Variants in CTNND1 observed in about 807,000 individuals in gnomAD.
CTNND1 encodes catenin delta 1, also known as catenin delta-1.
In CTNND1, 16 loss-of-function variants were observed where a neutral mutation model predicts 112.1. The observed-to-expected ratio is 0.14, with a 90% CI of 0.10 to 0.22. CTNND1 has a LOEUF of 0.22. Ranked by LOEUF, CTNND1 falls within the 10% of genes least tolerant of loss-of-function variation. CTNND1 has a pLI of 1.00. For missense variants in CTNND1, 1,008 were observed against 1,257.0 expected, an observed-to-expected ratio of 0.80 and a Z score of 3.00; for synonymous variants, 420 against 446.5, an observed-to-expected ratio of 0.94 and a Z score of 0.75.
intron 1 of CTNND1, among the ~76,000 whole-genome samples, chr11:57,783,843 T>TA (rs1345533409): frequency 6.6e-6 from 1 of 152,198 alleles, no homozygotes; most frequent in Non-Finnish European, 1.5e-5. Context: ...TGTTATGTAA[T>TA]ACAGTTCTGT....
chr11:57,762,895 C>T (rs1950188547), intron 1 of CTNND1, among the ~76,000 whole-genome samples: 1 of 152,094 alleles, frequency 6.6e-6, no homozygotes, highest in African/African-American at 2.4e-5. Context: ...TTTTATTTCA[C>T]CTGAGTAAAG....
At chr11:57,785,855 A>AT (rs1431243510) in intron 1 of CTNND1, among the ~76,000 whole-genome samples, 3 of 151,502 alleles carry the variant, frequency 2.0e-5, no homozygotes, top group Admixed American at 6.6e-5. Context: ...CCGGTAAGTG[A>AT]TTTTTTTGTT....
At chr11:57,769,245 C>G (rs1413469160) in intron 1 of CTNND1, among the ~76,000 whole-genome samples, 1 of 151,972 alleles carries the variant, frequency 6.6e-6, no homozygotes, top group Admixed American at 6.6e-5. Context: ...AACCCGGGAC[C>G]CGGGAGGTGG....
chr11:57,791,344 C>CTG, intron 2 of CTNND1, 41 bp from the exon 3 acceptor site: 1 of 1,328,012 alleles, frequency 7.5e-7, no homozygotes, highest in Non-Finnish European at 9.7e-7. Context: ...CTTCTCTGAC[C>CTG]TGTGACCTTT....
intron 2 of CTNND1, among the ~76,000 whole-genome samples, chr11:57,789,721 T>G (rs562919222): frequency 6.7e-4 from 102 of 152,274 alleles, no homozygotes; most frequent in African/African-American, 2.1e-3. Flanking sequence ...TTTACAAATT[T>G]GTGTTGGGCC....
At chr11:57,773,377 C>T (rs998049815) in intron 1 of CTNND1, among the ~76,000 whole-genome samples, 4 of 151,852 alleles carry the variant, frequency 2.6e-5, no homozygotes, top group African/African-American at 9.7e-5. Context: ...AAGTGATCCT[C>T]CTCCTTTGGC....
chr11:57,794,187 A>G, intron 4 of CTNND1, 106 bp downstream of exon 4: 1 of 899,668 alleles, frequency 1.1e-6, no homozygotes, highest in Non-Finnish European at 1.8e-6. Flanking sequence ...CATTGTACAT[A>G]CTCGTCAATT....
In CTNND1 at chr11:57,815,448, G is replaced by T; in HGVS notation, c.2756G>T (p.Arg919Leu). 6.2e-7 allele frequency: 1 copy of T among 1,612,386 alleles called. No homozygotes were observed. The highest frequency in any genetic ancestry group is 8.5e-7 in the Non-Finnish European group (1 of 1,179,274). ...GGAGACCACAATAGAACACTGGATC[G>T]ATCGGGGGATCTAGGCGACATGGAG... ...ERGDHNRTLD[R>L]SGDLGDMEPL... Residue 919 changes from arginine to leucine, a missense_variant, in exon 19 of 21, where the codon CGA becomes CTA. Physicochemically the swap from Arg to Leu is moderately radical, Grantham distance 102. Around this residue, in one of 5 missense-constraint regions of CTNND1, gnomAD observed 106 missense variants for 116.2 expected, o/e 0.91. Coordinates refer to ENST00000399050, the MANE Select transcript of CTNND1 (RefSeq NM_001085458.2).
Position 57,802,084 on chromosome 11 carries a change from T to G in CTNND1, c.1308T>G (p.Ser436=), listed in dbSNP as rs2062061384. ...LGACGALKNI[S]FGRDQDNKIA... is the part of the protein sequence containing the mutation. ...CCTGTGGAGCTCTCAAGAATATCTC[T>G]TTTGGACGTGACCAGGATAACAAGA... The change falls in exon 7 of 21, where the codon TCT becomes TCG. Residue 436 remains serine, a synonymous_variant. Coordinates refer to ENST00000399050, the MANE Select transcript of CTNND1 (RefSeq NM_001085458.2). The G allele has an allele frequency of 1.9e-6, 3 of 1,614,002 alleles. No individual in the cohort carries two copies. The highest frequency in any genetic ancestry group is 2.5e-6 in the Non-Finnish European group (3 of 1,179,884).
chr11:57,791,139 TAG>T (rs1282358231), intron 2 of CTNND1, among the ~76,000 whole-genome samples: 1 of 152,200 alleles, frequency 6.6e-6, no homozygotes, highest in Admixed American at 6.5e-5. Flanking sequence ...CCTAACAGTG[TAG>T]AGACTTAGAT....
intron 1 of CTNND1, among the ~76,000 whole-genome samples, chr11:57,775,613 A>G (rs536416520): frequency 1.3e-5 from 2 of 152,234 alleles, no homozygotes; most frequent in South Asian, 4.1e-4. Flanking sequence ...GGATGTTAGC[A>G]TTGAAATTTA....
intron 1 of CTNND1, among the ~76,000 whole-genome samples, chr11:57,768,431 T>C (rs1385406400): frequency 7.5e-6 from 1 of 133,656 alleles, no homozygotes; most frequent in Non-Finnish European, 1.5e-5. Flanking sequence ...TCTTGCTCTG[T>C]CGCCCAGGCT....
In CTNND1 at chr11:57,816,284, T is replaced by G. The variant is rs1370465146; in HGVS notation, c.2896-13T>G. 1.2e-6 allele frequency: 2 copies of G among 1,613,658 alleles called. No individual in the cohort carries two copies. Among genetic ancestry groups the G allele is most frequent in the Admixed American group, 1.7e-5 (1 of 60,000 alleles). On this transcript the variant is annotated splice_polypyrimidine_tract_variant and intron_variant, in intron 20 of 20. Transcript: ENST00000399050. ...CCCCATTAACATTCTCTCTTTCTCTTTTTTCTCCACAGCAGAAGATTTAGC... is the reference window on the plus strand; with the variant it reads ...CCCCATTAACATTCTCTCTTTCTCTGTTTTCTCCACAGCAGAAGATTTAGC...
chr11:57,778,453 C>T (rs937139623), intron 1 of CTNND1, among the ~76,000 whole-genome samples: 1 of 152,194 alleles, frequency 6.6e-6, no homozygotes, highest in African/African-American at 2.4e-5. Flanking sequence ...AATGCAGTGC[C>T]TCCAAAGTGA....
chr11:57,802,075 G>A lies in CTNND1; in HGVS notation c.1299G>A (p.Lys433=). The change falls in exon 7 of 21, where the codon AAG becomes AAA. Residue 433 remains lysine (K), a synonymous_variant. Transcript: ENST00000399050. The stretch of plus-strand genomic sequence containing the variant: ...ACCTTGGAGCCTGTGGAGCTCTCAA[G>A]AATATCTCTTTTGGACGTGACCAGG... The part of the protein sequence containing the change: ...EVHLGACGAL[K]NISFGRDQDN... The A allele has an allele frequency of 6.2e-7, 1 of 1,614,028 alleles. No homozygotes were observed. The highest frequency in any genetic ancestry group is 1.7e-5 in the Admixed American group (1 of 60,020).
At chr11:57,815,347 C>A in intron 18 of CTNND1, 47 bp from the exon 19 acceptor site, 2 of 1,149,096 alleles carry the variant, frequency 1.7e-6, no homozygotes, top group Non-Finnish European at 2.5e-6. Flanking sequence ...ACGTTTTACA[C>A]TAGAGGGGAA....
At chr11:57,783,677 T>C (rs1413364777) in intron 1 of CTNND1, among the ~76,000 whole-genome samples, 4 of 151,100 alleles carry the variant, frequency 2.6e-5, no homozygotes, top group Non-Finnish European at 5.9e-5. Flanking sequence ...AAAAAAGCCA[T>C]AGAAAATCTT....
At chr11:57,808,724 T>G (rs1420628037) in intron 14 of CTNND1, among the ~76,000 whole-genome samples, 184 bp downstream of exon 14, 7 of 152,246 alleles carry the variant, frequency 4.6e-5, no homozygotes, top group African/African-American at 1.4e-4. Context: ...AGAAAACAAG[T>G]GACAACTCTT....
intron 1 of CTNND1, among the ~76,000 whole-genome samples, chr11:57,786,800 A>G (rs954562989): frequency 6.6e-6 from 1 of 151,852 alleles, no homozygotes; most frequent in Non-Finnish European, 1.5e-5. Flanking sequence ...TTCTATGTAG[A>G]TATTATGGGT....
Sources: allele counts gnomAD v4.1 joint callset (sites outside exome capture counted in the v4.1 genomes callset), GRCh38; gene constraint gnomAD v4.1.1; regional missense constraint gnomAD v4.1.1; transcripts MANE v1.5; gene names NCBI Gene and HGNC (gene_info 2026-07-23, HGNC 2026-07-21).